CRIM1: variants seen among roughly 807,000 people sequenced by gnomAD.
The protein encoded by CRIM1 is cysteine-rich motor neuron 1 protein.
In CRIM1, 32 loss-of-function variants were observed where a neutral mutation model predicts 116.4. That is an observed-to-expected ratio of 0.27 (90% CI 0.21 to 0.37). The LOEUF is 0.37. CRIM1 is among the 10% of genes least tolerant of loss of function. The pLI is 1.00. For missense variants in CRIM1, 1,331 were observed against 1,354.8 expected (o/e 0.98, Z 0.28); for synonymous variants, 590 against 509.2 (o/e 1.16, Z -2.13).
At chr2:36,436,764 G>C (rs1168580149) in intron 2 of CRIM1, among the ~76,000 whole-genome samples, 1 of 152,106 alleles carries the variant, frequency 6.6e-6, no homozygotes, top group African/African-American at 2.4e-5. Flanking sequence ...GTTAACAAAA[G>C]TAGAGAATTG....
chr2:36,378,959 G>T (rs2287084), intron 1 of CRIM1: 29,925 of 151,968 alleles, frequency 0.2, 3,221 homozygotes, highest in East Asian at 0.36. Flanking sequence ...AATATGTATT[G>T]ATTTTAAAAA....
At position 36,549,848 on chromosome 2, in the gene CRIM1, T is replaced by G. The variant is rs1366749116; in HGVS notation, c.*1147T>G. On this transcript the variant is annotated 3_prime_UTR_variant, in exon 17 of 17. Coordinates refer to ENST00000280527, the MANE Select transcript of CRIM1 (RefSeq NM_016441.3). The stretch of plus-strand genomic sequence containing the variant: ...TGTGCATGTGTATATAATATATATA[T>G]ATACATATATATTTATACACATACA... 6.6e-6 allele frequency: 1 copy of G among 151,684 alleles called. No homozygotes were observed. The highest frequency in any genetic ancestry group is 1.5e-5 in the Non-Finnish European group (1 of 67,834). 9.4% of individuals were successfully genotyped at this position (151,684 alleles called of 1,614,324 possible).
intron 7 of CRIM1, among the ~76,000 whole-genome samples, chr2:36,498,504 C>A (rs1429329325): frequency 6.6e-6 from 1 of 152,142 alleles, no homozygotes; most frequent in East Asian, 1.9e-4. Context: ...TATGTAGTTA[C>A]CGTTATTACC....
At chr2:36,533,985 A>G (rs1666301224) in intron 13 of CRIM1, among the ~76,000 whole-genome samples, 2 of 134,932 alleles carry the variant, frequency 1.5e-5, no homozygotes, top group East Asian at 2.5e-4. Context: ...GGAAGGAGAG[A>G]GGGGGAAGGA....
At chr2:36,437,914 A>G (rs181804455) in intron 2 of CRIM1, among the ~76,000 whole-genome samples, 179 of 152,188 alleles carry the variant, frequency 1.2e-3, no homozygotes, top group African/African-American at 4.1e-3. Flanking sequence ...CGGGTGGATC[A>G]CAACATCAGA....
chr2:36,415,982 C>T (rs531126801), intron 2 of CRIM1, among the ~76,000 whole-genome samples: 17 of 152,224 alleles, frequency 1.1e-4, no homozygotes, highest in South Asian at 8.3e-4. Flanking sequence ...CCAAGGCACG[C>T]GGATCACTTA....
At chr2:36,545,610 G>GTTGT (rs1238668477) in intron 15 of CRIM1, among the ~76,000 whole-genome samples, 3 of 152,106 alleles carry the variant, frequency 2.0e-5, no homozygotes, top group Non-Finnish European at 4.4e-5. Flanking sequence ...AAGACTGATA[G>GTTGT]TTGTTTCCGT....
intron 2 of CRIM1, among the ~76,000 whole-genome samples, chr2:36,401,801 C>G (rs1672424521): frequency 6.6e-6 from 1 of 152,172 alleles, no homozygotes; most frequent in Admixed American, 6.5e-5. Context: ...ATAAAACACC[C>G]TGGAAATCAT....
Position 36,499,259 on chromosome 2 carries a change from G to A in CRIM1, c.1413G>A (p.Glu471=), listed in dbSNP as rs767333044. 6.2e-7 allele frequency: 1 copy of A among 1,612,994 alleles called. No individual in the cohort carries two copies. The highest frequency in any genetic ancestry group is 1.1e-5 in the South Asian group (1 of 91,054). ...CAGTTGATCCACCTGCATGTGGGGAGTTATCAAACTGCACTCTGACAGGGA... is the reference window on the plus strand; with the variant it reads ...CAGTTGATCCACCTGCATGTGGGGAATTATCAAACTGCACTCTGACAGGGA... ...IITVDPPACG[E]LSNCTLTGKD... is the part of the protein sequence containing the mutation. Residue 471 remains glutamate, a synonymous_variant, in exon 8 of 17, where the codon GAG becomes GAA. Transcript: ENST00000280527.
At chr2:36,424,660 A>G (rs919707363) in intron 2 of CRIM1, among the ~76,000 whole-genome samples, 7 of 152,064 alleles carry the variant, frequency 4.6e-5, no homozygotes, top group Admixed American at 3.3e-4. Flanking sequence ...TTTAAATCGT[A>G]TTTGTATTTC....
intron 13 of CRIM1, among the ~76,000 whole-genome samples, chr2:36,527,837 C>T (rs1310499358): frequency 6.6e-6 from 1 of 152,138 alleles, no homozygotes; most frequent in Non-Finnish European, 1.5e-5. Context: ...TTCATTGGAA[C>T]ATTTTTCACC....
At chr2:36,444,308 A>C (rs2124945630) in intron 4 of CRIM1, among the ~76,000 whole-genome samples, 1 of 152,348 alleles carries the variant, frequency 6.6e-6, no homozygotes, top group African/African-American at 2.4e-5. Context: ...GTCTCAATTT[A>C]AGAAGAAACT....
intron 9 of CRIM1, among the ~76,000 whole-genome samples, chr2:36,511,457 A>G (rs1664672163): frequency 6.6e-6 from 1 of 152,248 alleles, no homozygotes; most frequent in Non-Finnish European, 1.5e-5. Context: ...TATGATGTCA[A>G]TAAGAGTATT....
chr2:36,396,553 G>T, intron 1 of CRIM1, 61 bp from the exon 2 acceptor site: 1 of 1,200,854 alleles, frequency 8.3e-7, no homozygotes. Flanking sequence ...GTTTTTGCCC[G>T]CGAACAGGCC....
intron 13 of CRIM1, among the ~76,000 whole-genome samples, chr2:36,525,767 G>A (rs373751270): frequency 3.3e-5 from 5 of 152,016 alleles, no homozygotes; most frequent in African/African-American, 1.2e-4. Context: ...GTCAAATACA[G>A]ATCTCTAAAA....
intron 2 of CRIM1, among the ~76,000 whole-genome samples, chr2:36,422,220 T>C (rs1448916063): frequency 1.3e-5 from 2 of 151,906 alleles, no homozygotes; most frequent in African/African-American, 4.8e-5. Context: ...TATTTTGCGG[T>C]TTTATCTTAT....
chr2:36,477,691 C>T (rs116134633), intron 6 of CRIM1, among the ~76,000 whole-genome samples: 5 of 152,238 alleles, frequency 3.3e-5, no homozygotes, highest in Non-Finnish European at 7.3e-5. Context: ...CCCCTTTTCT[C>T]TCCAAGAAGT....
chr2:36,437,504 T>G (rs1186894984), intron 2 of CRIM1, among the ~76,000 whole-genome samples: 1 of 152,176 alleles, frequency 6.6e-6, no homozygotes, highest in Non-Finnish European at 1.5e-5. Flanking sequence ...GGAAGTCAAA[T>G]TCAACAGGAT....
intron 13 of CRIM1, among the ~76,000 whole-genome samples, chr2:36,535,378 A>G (rs1463562370): frequency 6.6e-6 from 1 of 152,232 alleles, no homozygotes; most frequent in Non-Finnish European, 1.5e-5. Context: ...ATATTAATCA[A>G]GAACTTCTAT....
Sources: allele counts gnomAD v4.1 joint callset (sites outside exome capture counted in the v4.1 genomes callset), GRCh38; gene constraint gnomAD v4.1.1; transcripts MANE v1.5; gene names NCBI Gene and HGNC (gene_info 2026-07-23, HGNC 2026-07-21).